The following RAB7A variants were observed in gnomAD, a reference collection of about 807,000 sequenced individuals.
RAB7A encodes ras-related protein Rab-7a.
A neutral mutation model predicts 24.5 loss-of-function variants in RAB7A; 2 were observed. That is an observed-to-expected ratio of 0.08 (90% confidence interval 0.03 to 0.26). RAB7A has a LOEUF of 0.26. Among genes scored for constraint, RAB7A ranks in the 10% least tolerant of loss-of-function variants. The probability of loss-of-function intolerance (pLI) is 1.00; values close to 1 mark genes in which losing one functional copy is unlikely to be tolerated. For synonymous variants in RAB7A, 100 were observed against 95.9 expected (o/e 1.04, Z -0.25); for missense variants, 118 against 255.7 (o/e 0.46, Z 3.67).
chr3:128,756,009 C>T (rs1015734616), intron 1 of RAB7A, among the ~76,000 whole-genome samples: 1 of 152,132 alleles, frequency 6.6e-6, no homozygotes, highest in Non-Finnish European at 1.5e-5. Flanking sequence ...AGCAAAATTG[C>T]AGGTTACAGA....
At chr3:128,762,281 G>T (rs2070781256) in intron 1 of RAB7A, among the ~76,000 whole-genome samples, 1 of 152,118 alleles carries the variant, frequency 6.6e-6, no homozygotes, top group African/African-American at 2.4e-5. Context: ...AAGGAGGAGG[G>T]ACAAGGGAAA....
In RAB7A at chr3:128,802,577, C is replaced by A. The variant is rs536258355; in HGVS notation, c.181-3795C>A. The stretch of plus-strand genomic sequence containing the variant: ...CCAGGCTGGAGTGCAGTGGCGTGAT[C>A]TTGGCTCACTGCAACCTCCGCCTCC... On this transcript the variant is annotated intron_variant, in intron 3 of 5. Coordinates refer to ENST00000265062, the MANE Select transcript of RAB7A (RefSeq NM_004637.6). Among the ~76,000 whole-genome samples, 5 of 151,756 alleles carry A rather than the reference C, an allele frequency of 3.3e-5. No individual in the cohort carries two copies. In the East Asian group the frequency reaches 7.7e-4, roughly 23 times the overall value.
chr3:128,802,152 C>T (rs898920932), intron 3 of RAB7A, among the ~76,000 whole-genome samples: 1 of 152,220 alleles, frequency 6.6e-6, no homozygotes, highest in Non-Finnish European at 1.5e-5. Flanking sequence ...ATACTTGTAT[C>T]TATTTTTGGA....
chr3:128,737,338 C>CTTT (rs34916629), intron 1 of RAB7A, among the ~76,000 whole-genome samples: 11 of 90,054 alleles, frequency 1.2e-4, no homozygotes, highest in Non-Finnish European at 1.6e-4. Flanking sequence ...CGCTCCCGGC[C>CTTT]TTTTTTTTTT....
chr3:128,805,190 A>G (rs62272618), intron 3 of RAB7A, among the ~76,000 whole-genome samples: 42,003 of 152,018 alleles, frequency 0.28, 7,452 homozygotes, highest in African/African-American at 0.5. Flanking sequence ...TACATATTCC[A>G]TGTAGAACAT....
intron 1 of RAB7A, among the ~76,000 whole-genome samples, chr3:128,791,377 G>T (rs1004473776): frequency 2.6e-5 from 4 of 152,158 alleles, no homozygotes; most frequent in Non-Finnish European, 5.9e-5. Context: ...CTGGCCTCAG[G>T]TGATTCACCT....
In RAB7A at chr3:128,792,864, C is replaced by T. The variant is rs200590778; in HGVS notation, c.-8-2496C>T. 1.1e-3 allele frequency among the ~76,000 whole-genome samples: 134 copies of T among 126,268 alleles called. 2 individuals are homozygous for T. In the East Asian group the frequency reaches 0.019, roughly 18 times the overall value. 82.8% of individuals were successfully genotyped at this position (126,268 alleles called of 152,430 possible). ...TTATTTATTTATTTATTTATTTATT[C>T]ATTTGAGACAGTGCCTCGCACTGTC... is the stretch of plus-strand genomic sequence containing the variant. On this transcript the variant is annotated intron_variant, in intron 1 of 5. Transcript: ENST00000265062.
rs1933517012 is a variant in RAB7A, at chr3:128,794,005, C to T, written c.-8-1355C>T. On this transcript the variant is annotated intron_variant, in intron 1 of 5. Coordinates refer to ENST00000265062, the MANE Select transcript of RAB7A (RefSeq NM_004637.6). ...CATCGAGGATGGTTACTTTCAAGAGCGTAGGCCTTCTTAGCAAATCCTGCC... is the reference window on the plus strand; with the variant it reads ...CATCGAGGATGGTTACTTTCAAGAGTGTAGGCCTTCTTAGCAAATCCTGCC... Among the ~76,000 whole-genome samples, 4 of 152,188 alleles carry T rather than the reference C, an allele frequency of 2.6e-5. No homozygotes were observed. In the South Asian group the frequency reaches 6.2e-4, roughly 24 times the overall value.
At chr3:128,759,818 C>A (rs2070763124) in intron 1 of RAB7A, among the ~76,000 whole-genome samples, 1 of 152,082 alleles carries the variant, frequency 6.6e-6, no homozygotes, top group Admixed American at 6.5e-5. Context: ...CTAGCGACTT[C>A]TCCTGTCTCA....
At chr3:128,778,509 C>CT (rs1383198905) in intron 1 of RAB7A, among the ~76,000 whole-genome samples, 1 of 152,170 alleles carries the variant, frequency 6.6e-6, no homozygotes, top group African/African-American at 2.4e-5. Context: ...ATAGTGAAGC[C>CT]TAACCAACTG....
At chr3:128,805,008 CAT>C (rs756289296) in intron 3 of RAB7A, among the ~76,000 whole-genome samples, 7 of 152,142 alleles carry the variant, frequency 4.6e-5, no homozygotes, top group Non-Finnish European at 1.0e-4. Context: ...GAGAGTATCA[CAT>C]GTGCAGTCTA....
chr3:128,813,331 C>T lies in RAB7A; in HGVS notation c.533C>T (p.Thr178Met), dbSNP rs142747565. ...TIARNALKQE[T>M]EVELYNEFPE... ...TTTCTCTGTTTCCTTGTCCAGGAAA[C>T]GGAGGTGGAGCTGTACAACGAATTT... Residue 178 changes from threonine to methionine, a missense_variant, in exon 6 of 6, where the codon ACG becomes ATG. Physicochemically the swap from Thr to Met is moderately conservative, Grantham distance 81. Transcript: ENST00000265062. 1.8e-5 allele frequency: 29 copies of T among 1,613,770 alleles called. No individual in the cohort carries two copies. The highest frequency in any genetic ancestry group is 2.5e-5 in the Non-Finnish European group (29 of 1,179,704).
chr3:128,789,833 C>G (rs1576296223), intron 1 of RAB7A, among the ~76,000 whole-genome samples: 1 of 150,958 alleles, frequency 6.6e-6, no homozygotes, highest in East Asian at 1.9e-4. Flanking sequence ...TCTTGTTGCC[C>G]ATGCTAGAGT....
chr3:128,811,989 C>T lies in RAB7A; in HGVS notation c.529-1338C>T, dbSNP rs374129937. ...AAAGTAGATGAGTGGTTGCTGGGTC[C>T]AGGATGGTATAGAATGGGGGTGGGA... On this transcript the variant is annotated intron_variant, in intron 5 of 5. Coordinates refer to ENST00000265062, the MANE Select transcript of RAB7A (RefSeq NM_004637.6). 3.3e-5 allele frequency among the ~76,000 whole-genome samples: 5 copies of T among 151,966 alleles called. No individual in the cohort carries two copies. In the East Asian group the frequency reaches 7.7e-4, roughly 23 times the overall value.
intron 1 of RAB7A, among the ~76,000 whole-genome samples, 197 bp downstream of exon 1, chr3:128,726,556 CG>C (rs2070380640): frequency 6.6e-6 from 1 of 152,110 alleles, no homozygotes; most frequent in South Asian, 2.1e-4. Context: ...CGGAGGTCGT[CG>C]GGCGTGACCT....
intron 1 of RAB7A, among the ~76,000 whole-genome samples, chr3:128,748,168 C>G (rs542426689): frequency 6.6e-6 from 1 of 152,210 alleles, no homozygotes; most frequent in Non-Finnish European, 1.5e-5. Flanking sequence ...ATCATCTGGT[C>G]GCTCAGCATG....
At chr3:128,795,328 A>G in intron 1 of RAB7A, 32 bp from the exon 2 acceptor site, 1 of 1,575,698 alleles carries the variant, frequency 6.3e-7, no homozygotes, top group Non-Finnish European at 8.7e-7. Flanking sequence ...TTTCCATCAC[A>G]CTCACAGTGA....
intron 1 of RAB7A, among the ~76,000 whole-genome samples, chr3:128,776,291 G>A (rs955741444): frequency 6.6e-6 from 1 of 151,590 alleles, no homozygotes; most frequent in Non-Finnish European, 1.5e-5. Context: ...TTTTTTACAG[G>A]CAGGGTCTCA....
chr3:128,771,755 G>A (rs925389448), intron 1 of RAB7A, among the ~76,000 whole-genome samples: 1 of 152,210 alleles, frequency 6.6e-6, no homozygotes, highest in African/African-American at 2.4e-5. Context: ...GAAGCAGAGC[G>A]TCTGGGAGTC....
Sources: allele counts gnomAD v4.1 joint callset (sites outside exome capture counted in the v4.1 genomes callset), GRCh38; gene constraint gnomAD v4.1.1; transcripts MANE v1.5; gene names NCBI Gene and HGNC (gene_info 2026-07-23, HGNC 2026-07-21).